The following CHAT variants were observed in gnomAD, a reference collection of about 807,000 sequenced individuals.
CHAT encodes acetyl CoA:choline O-acetyltransferase.
CHAT carries 61 observed loss-of-function variants against 76.9 expected under a neutral mutation model. That is an observed-to-expected ratio of 0.79 (90% CI 0.65 to 0.98). The LOEUF is 0.98. CHAT is among the 50% of genes least tolerant of loss of function. The pLI is 0.00. For synonymous variants in CHAT, 407 were observed against 397.4 expected, an observed-to-expected ratio of 1.02 and a Z score of -0.29; for missense variants, 946 against 986.9, an observed-to-expected ratio of 0.96 and a Z score of 0.56.
chr10:49,622,136 G>A lies in CHAT; in HGVS notation c.738G>A (p.Lys246=), dbSNP rs1208515068. 6.2e-7 allele frequency: 1 copy of A among 1,613,650 alleles called. No homozygotes were observed. The highest frequency in any genetic ancestry group is 1.1e-5 in the South Asian group (1 of 91,080). ...TCATCTCTGGTGTACTCAGCTACAA[G>A]GCCCTGCTGGACAGGTAGGACTGGG... The part of the protein sequence containing the change: ...ASLISGVLSY[K]ALLDSHSIPT... Residue 246 remains lysine, a synonymous_variant, in exon 5 of 15, where the codon AAG becomes AAA. Coordinates refer to ENST00000337653, the MANE Select transcript of CHAT (RefSeq NM_020549.5).
chr10:49,665,153 AG>A lies in CHAT; in HGVS notation c.*110del. 1 of 1,237,194 alleles carries A rather than the reference AG, an allele frequency of 8.1e-7. No individual in the cohort carries two copies. The highest frequency in any genetic ancestry group is 2.3e-5 in the East Asian group (1 of 43,086). The allele number at this position is 1,237,194 out of a possible 1,614,324, so 76.6% of individuals were successfully genotyped here. On this transcript the variant is annotated 3_prime_UTR_variant, in exon 15 of 15. Transcript: ENST00000337653. Reference sequence around the variant, plus strand: ...CAGCTTTCCACAGCTCCCTGTCCTCAGGGTCCAACTCACAGACCATACAGAG... The same window carrying A: ...CAGCTTTCCACAGCTCCCTGTCCTCAGGTCCAACTCACAGACCATACAGAG...
intron 10 of CHAT, among the ~76,000 whole-genome samples, chr10:49,650,612 T>G (rs1349203668): frequency 2.6e-5 from 4 of 152,094 alleles, no homozygotes; most frequent in Non-Finnish European, 5.9e-5. Context: ...AAAAGGAAGT[T>G]GGGCCACACT....
At chr10:49,632,035 C>G (rs1839141799) in intron 7 of CHAT, among the ~76,000 whole-genome samples, 1 of 152,050 alleles carries the variant, frequency 6.6e-6, no homozygotes, top group African/African-American at 2.4e-5. Flanking sequence ...TGTTTAGAAG[C>G]AGGAACAGTA....
intron 7 of CHAT, among the ~76,000 whole-genome samples, chr10:49,640,826 GC>G (rs1262106531): frequency 6.6e-6 from 1 of 152,160 alleles, no homozygotes; most frequent in Non-Finnish European, 1.5e-5. Flanking sequence ...GAGAGAGCAG[GC>G]TTTTGTTGAT....
rs114065219 is a variant in CHAT at position 49,634,657 on chromosome 10, T to G, written c.1111+6872T>G. Among the ~76,000 whole-genome samples the G allele has an allele frequency of 2.2e-3, 328 of 152,372 alleles. 3 individuals are homozygous for G. Among genetic ancestry groups the G allele is most frequent in the African/African-American group, 7.3e-3 (305 of 41,578 alleles). On this transcript the variant is annotated intron_variant, in intron 7 of 14. Coordinates refer to ENST00000337653, the MANE Select transcript of CHAT (RefSeq NM_020549.5). ...TCTCTGGCCCTCGTTTTCCATTTTA[T>G]GTGCAGCACAGTAATGTTTGGGGTA...
At chr10:49,645,706 G>C (rs187865015) in intron 7 of CHAT, among the ~76,000 whole-genome samples, 1 of 152,288 alleles carries the variant, frequency 6.6e-6, no homozygotes, top group Admixed American at 6.5e-5. Flanking sequence ...TCCCGCTCCT[G>C]AAGAGCCGTC....
chr10:49,661,390 C>T (rs971659660), intron 13 of CHAT: 1 of 152,194 alleles, frequency 6.6e-6, no homozygotes, highest in Non-Finnish European at 1.5e-5. Flanking sequence ...ATGGGCTCAC[C>T]GTTCTTTCCT....
chr10:49,612,890 C>T (rs1217535774), upstream of CHAT, among the ~76,000 whole-genome samples: 2 of 152,236 alleles, frequency 1.3e-5, no homozygotes, highest in Non-Finnish European at 2.9e-5. Context: ...GCAAACCCAA[C>T]AAAGGCTGTC....
intron 8 of CHAT, chr10:49,646,952 C>T: frequency 7.8e-6 from 4 of 513,492 alleles, no homozygotes; most frequent in South Asian, 4.1e-5. Context: ...GCAGCCTGTG[C>T]CAGGAAGGTC....
intron 5 of CHAT, among the ~76,000 whole-genome samples, chr10:49,623,064 G>C (rs1838787294): frequency 1.3e-5 from 2 of 152,184 alleles, no homozygotes; most frequent in Non-Finnish European, 2.9e-5. Context: ...ACACGCTCCT[G>C]TGTGCTCTGC....
intron 13 of CHAT, among the ~76,000 whole-genome samples, chr10:49,658,600 T>C (rs1840101399): frequency 1.3e-5 from 2 of 151,926 alleles, no homozygotes; most frequent in African/African-American, 2.4e-5. Flanking sequence ...TCCCAGCTAC[T>C]AGGGAGGCTG....
In CHAT at chr10:49,664,774, C is replaced by T; in HGVS notation, c.1978-3C>T. 1 of 1,614,206 alleles carries T rather than the reference C, an allele frequency of 6.2e-7. No homozygotes were observed. Among genetic ancestry groups the T allele is most frequent in the African/African-American group, 1.3e-5 (1 of 75,052 alleles). ...GCAGCTCCTGACCTGTCCTCTCCTC[C>T]AGGTGCCCACAACCACGGAGATGTT... On this transcript the variant is annotated splice_polypyrimidine_tract_variant and splice_region_variant and intron_variant, in intron 14 of 14. Transcript: ENST00000337653.
At chr10:49,653,190 C>T (rs917007409) in intron 11 of CHAT, among the ~76,000 whole-genome samples, 2 of 151,950 alleles carry the variant, frequency 1.3e-5, no homozygotes, top group African/African-American at 2.4e-5. Context: ...AGAAGTGGTC[C>T]GGCCAGGTCT....
In CHAT at chr10:49,667,902, T is replaced by C. The variant is rs1451579559; in HGVS notation, c.*2856T>C. ...GCATTATATTCAAATTATTTAAAAATTGTTCTAAGTCTATATTCAATAAAA... is the reference window on the plus strand; with the variant it reads ...GCATTATATTCAAATTATTTAAAAACTGTTCTAAGTCTATATTCAATAAAA... On this transcript the variant is annotated 3_prime_UTR_variant, in exon 15 of 15. Coordinates refer to ENST00000337653, the MANE Select transcript of CHAT (RefSeq NM_020549.5). Among the ~76,000 whole-genome samples the C allele has an allele frequency of 6.6e-6, 1 of 152,228 alleles. No individual in the cohort carries two copies. The highest frequency in any genetic ancestry group is 1.9e-4 in the East Asian group (1 of 5,206).
rs764161559 is a variant in CHAT at position 49,614,052 on chromosome 10, G to A, written c.-138G>A. ...GGTGACTGGGAAATGCTGAGCTAGG[G>A]GCAGGAGGCATGGGCGGGACAGTGT... is the stretch of plus-strand genomic sequence containing the variant. On this transcript the variant is annotated 5_prime_UTR_variant, in exon 1 of 15. Transcript: ENST00000337653. 27 of 1,448,690 alleles carry A rather than the reference G, an allele frequency of 1.9e-5. No individual in the cohort carries two copies. Among genetic ancestry groups the A allele is most frequent in the Non-Finnish European group, 2.4e-5 (26 of 1,068,102 alleles). The allele number at this position is 1,448,690 out of a possible 1,614,324, so 89.7% of individuals were successfully genotyped here.
upstream of CHAT, chr10:49,612,300 G>C (rs1838322556): frequency 1.1e-5 from 17 of 1,608,808 alleles, no homozygotes; most frequent in Non-Finnish European, 1.4e-5. Flanking sequence ...CTTTTGATGC[G>C]TGCGAGGACG....
chr10:49,613,624 G>T (rs2132692376), upstream of CHAT, among the ~76,000 whole-genome samples: 1 of 152,286 alleles, frequency 6.6e-6, no homozygotes, highest in African/African-American at 2.4e-5. Flanking sequence ...GTGTGCCTGG[G>T]CGGAGTCTGC....
At chr10:49,640,130 GCTT>G (rs1839431103) in intron 7 of CHAT, among the ~76,000 whole-genome samples, 1 of 151,134 alleles carries the variant, frequency 6.6e-6, no homozygotes. Flanking sequence ...GCTTGTTGAG[GCTT>G]TTTTATGATT....
Position 49,614,472 on chromosome 10 carries a change from G to A in CHAT, c.283G>A (p.Ala95Thr). 1.9e-6 allele frequency: 3 copies of A among 1,546,146 alleles called. No individual in the cohort carries two copies. The highest frequency in any genetic ancestry group is 2.6e-6 in the Non-Finnish European group (3 of 1,147,042). Residue 95 changes from alanine (A) to threonine (T), a missense_variant, in exon 1 of 15, where the codon GCA becomes ACA. Around this residue, in one of 3 missense-constraint regions of CHAT, gnomAD observed 548 missense variants for 516.2 expected, o/e 1.06. Coordinates refer to ENST00000337653, the MANE Select transcript of CHAT (RefSeq NM_020549.5). ...GGCCGAGGCAGCAGAGCCGAGGAGA[G>A]CAGGTGAGAAGAAGGGCTGGGCTGG... Reference protein sequence around the residue: ...ASAEAAEPRRAGPHLCIPAPG... With the variant: ...ASAEAAEPRRTGPHLCIPAPG...
Sources: allele counts gnomAD v4.1 joint callset (sites outside exome capture counted in the v4.1 genomes callset), GRCh38; gene constraint gnomAD v4.1.1; regional missense constraint gnomAD v4.1.1; transcripts MANE v1.5; gene names NCBI Gene and HGNC (gene_info 2026-07-23, HGNC 2026-07-21).